The following SERPINA1 variants were observed in gnomAD, a reference collection of about 807,000 sequenced individuals.
SERPINA1 encodes serpin family A member 1, also known as alpha-1-antitrypsin.
SERPINA1 carries 21 observed loss-of-function variants against 25.4 expected under a neutral mutation model. That is an observed-to-expected ratio of 0.83 (90% CI 0.59 to 1.19). The LOEUF is 1.19. Ranked by LOEUF, SERPINA1 falls within the 50% of genes most tolerant of loss-of-function variation. The pLI is 0.00. For missense variants in SERPINA1, 546 were observed against 509.0 expected (o/e 1.07, Z -0.70); for synonymous variants, 218 against 211.1 (o/e 1.03, Z -0.29).
At chr14:94,386,755 A>T (rs1394416121) in intron 1 of SERPINA1, among the ~76,000 whole-genome samples, 2 of 152,092 alleles carry the variant, frequency 1.3e-5, no homozygotes, top group African/African-American at 4.8e-5. Context: ...GAGTTTGGCA[A>T]ATTTTCCATT....
chr14:94,380,131 T>G (rs1195963270), intron 3 of SERPINA1, among the ~76,000 whole-genome samples: 2 of 152,292 alleles, frequency 1.3e-5, no homozygotes, highest in African/African-American at 2.4e-5. Context: ...CTCTTTGTTC[T>G]TTCTCAACCC....
In SERPINA1 at chr14:94,380,865, A is replaced by T. The variant is rs1896850616; in HGVS notation, c.917+6T>A. The T allele has an allele frequency of 6.2e-7, 1 of 1,614,042 alleles. No homozygotes were observed. Among genetic ancestry groups the T allele is most frequent in the African/African-American group, 1.3e-5 (1 of 74,910 alleles). ...CTTCTTGGTCACCCTCAGGTTGGGGAATCACCTTCTGTCTTCATTTTCCAG... is the reference window on the plus strand; with the variant it reads ...CTTCTTGGTCACCCTCAGGTTGGGGTATCACCTTCTGTCTTCATTTTCCAG... On this transcript the variant is annotated splice_donor_region_variant and intron_variant, in intron 3 of 4. Transcript: ENST00000393087.
chr14:94,382,842 G>A lies in SERPINA1; in HGVS notation c.396C>T (p.Ser132=), dbSNP rs1402627363. Residue 132 remains serine (S), a synonymous_variant, in exon 2 of 5, where the codon AGC becomes AGT. Coordinates refer to ENST00000393087, the MANE Select transcript of SERPINA1 (RefSeq NM_000295.5). ...ELLRTLNQPD[S]QLQLTTGNGL... is the part of the protein sequence containing the mutation. ...CATTGCCGGTGGTCAGCTGGAGCTG[G>A]CTGTCTGGCTGGTTGAGGGTACGGA... is the stretch of plus-strand genomic sequence containing the variant. 1.2e-6 allele frequency: 2 copies of A among 1,614,028 alleles called. No homozygotes were observed. The highest frequency in any genetic ancestry group is 1.7e-6 in the Non-Finnish European group (2 of 1,180,020).
intron 4 of SERPINA1, among the ~76,000 whole-genome samples, chr14:94,378,897 G>A (rs891125593): frequency 2.2e-5 from 3 of 137,572 alleles, no homozygotes; most frequent in Middle Eastern, 4.0e-3. Context: ...GAAGAGCATC[G>A]TCACTCCACG....
Position 94,381,107 on chromosome 14 carries a change from G to A in SERPINA1, c.681C>T (p.Thr227=), listed in dbSNP as rs766320203. ...GGTCCACGTGGAAGTCCTCTTCCTC[G>A]GTGTCCTTGACTTCAAAGGGTCTCT... is the stretch of plus-strand genomic sequence containing the variant. ...KWERPFEVKD[T]EEEDFHVDQV... The change falls in exon 3 of 5, where the codon ACC becomes ACT. Residue 227 remains threonine (T), a synonymous_variant. Transcript: ENST00000393087. The A allele has an allele frequency of 2.9e-5, 47 of 1,613,300 alleles. No individual in the cohort carries two copies. The highest frequency in any genetic ancestry group is 1.7e-4 in the Admixed American group (10 of 59,964).
chr14:94,386,086 A>T (rs1980618), intron 1 of SERPINA1, among the ~76,000 whole-genome samples: 105,392 of 152,080 alleles, frequency 0.69, 36,903 homozygotes, highest in African/African-American at 0.78. Flanking sequence ...TAACATCAGG[A>T]CTCCAAAACC....
intron 3 of SERPINA1, 89 bp from the exon 4 acceptor site, chr14:94,379,700 A>G: frequency 6.3e-7 from 1 of 1,579,570 alleles, no homozygotes; most frequent in East Asian, 2.2e-5. Flanking sequence ...TTCTTTTCTG[A>G]TTATTTCTGC....
chr14:94,387,727 C>A (rs562127191), intron 1 of SERPINA1, among the ~76,000 whole-genome samples: 2 of 152,242 alleles, frequency 1.3e-5, no homozygotes. Flanking sequence ...GGTGCCTGAG[C>A]CCGAATTATG....
rs753921311 is a variant in SERPINA1 at position 94,383,075 on chromosome 14, C to T, written c.163G>A (p.Ala55Thr). 1.2e-6 allele frequency: 2 copies of T among 1,614,032 alleles called. No individual in the cohort carries two copies. Among genetic ancestry groups the T allele is most frequent in the South Asian group, 1.1e-5 (1 of 91,092 alleles). The change falls in exon 2 of 5, where the codon GCT (alanine) becomes ACT (threonine). Residue 55 changes from alanine to threonine, a missense_variant. Coordinates refer to ENST00000393087, the MANE Select transcript of SERPINA1 (RefSeq NM_000295.5). ...CGGTATAGGCTGAAGGCGAACTCAG[C>T]CAGGTTGGGGGTGATCTTGTTGAAG... The part of the protein sequence containing the change: ...PTFNKITPNL[A>T]EFAFSLYRQL...
In SERPINA1 at chr14:94,378,456, T is replaced by G; in HGVS notation, c.1250A>C (p.Gln417Pro). Residue 417 changes from glutamine to proline, a missense_variant, in exon 5 of 5, where the codon CAA (glutamine) becomes CCA (proline). Physicochemically the swap from Gln to Pro is moderately conservative, Grantham distance 76 (BLOSUM62 -1). Coordinates refer to ENST00000393087, the MANE Select transcript of SERPINA1 (RefSeq NM_000295.5). ...LFMGKVVNPT[Q>P]K ...TTGAGGAGCGAGAGGCAGTTATTTTTGGGTGGGATTCACCACTTTTCCCAT... is the reference window on the plus strand; with the variant it reads ...TTGAGGAGCGAGAGGCAGTTATTTTGGGGTGGGATTCACCACTTTTCCCAT... 1 of 1,614,082 alleles carries G rather than the reference T, an allele frequency of 6.2e-7. No homozygotes were observed.
In SERPINA1 at chr14:94,378,559, A is replaced by C. The variant is rs762151808; in HGVS notation, c.1147T>G (p.Ser383Ala). ...GAMFLEAIPM[S>A]IPPEVKFNKP... Reference sequence around the variant, plus strand: ...TTGAACTTGACCTCGGGGGGGATAGACATGGGTATGGCCTCTAAAAACATG... The same window carrying C: ...TTGAACTTGACCTCGGGGGGGATAGCCATGGGTATGGCCTCTAAAAACATG... The change falls in exon 5 of 5, where the codon TCT becomes GCT. Residue 383 changes from serine to alanine, a missense_variant. Physicochemically the swap from Ser to Ala is moderately conservative, Grantham distance 99 (BLOSUM62 1). Transcript: ENST00000393087. 1 of 1,614,068 alleles carries C rather than the reference A, an allele frequency of 6.2e-7. No individual in the cohort carries two copies.
intron 3 of SERPINA1, among the ~76,000 whole-genome samples, chr14:94,380,149 A>G (rs1896781144): frequency 6.6e-6 from 1 of 152,294 alleles, no homozygotes; most frequent in Non-Finnish European, 1.5e-5. Context: ...CCCCTGGAGC[A>G]GAGACCTCAG....
intron 3 of SERPINA1, chr14:94,380,523 G>A: frequency 2.8e-6 from 1 of 358,792 alleles, no homozygotes; most frequent in South Asian, 2.9e-5. Context: ...TTGCCAGGAA[G>A]CCCATCTGTT....
rs772462774 is a variant in SERPINA1 at position 94,383,214 on chromosome 14, G to A, written c.24C>T (p.Gly8=). The A allele has an allele frequency of 1.2e-6, 2 of 1,613,622 alleles. No individual in the cohort carries two copies. Among genetic ancestry groups the A allele is most frequent in the Admixed American group, 1.7e-5 (1 of 60,012 alleles). ...AGCACAGGCCTGCCAGCAGGAGGAT[G>A]CCCCACGAGACAGAAGACGGCATTG... MPSSVSW[G]ILLLAGLCCL... Residue 8 remains glycine (G), a synonymous_variant, in exon 2 of 5, where the codon GGC becomes GGT. Transcript: ENST00000393087.
chr14:94,388,470 C>G (rs1213535254), intron 1 of SERPINA1, 90 bp downstream of exon 1: 1 of 152,864 alleles, frequency 6.5e-6, no homozygotes, highest in Non-Finnish European at 1.5e-5. Flanking sequence ...CACTCCACAA[C>G]CCCCCTCCTG....
chr14:94,379,692 CT>C, intron 3 of SERPINA1, 81 bp from the exon 4 acceptor site: 3 of 1,597,146 alleles, frequency 1.9e-6, no homozygotes, highest in Admixed American at 3.3e-5. Context: ...CAAGTGTTTT[CT>C]TTTCTGATTA....
chr14:94,387,180 A>G (rs572583192), intron 1 of SERPINA1, among the ~76,000 whole-genome samples: 2 of 152,370 alleles, frequency 1.3e-5, no homozygotes, highest in Non-Finnish European at 2.9e-5. Context: ...GGCTAAAATT[A>G]AAGGCTCTGA....
rs762571838 is a variant in SERPINA1 at position 94,383,130 on chromosome 14, A to G, written c.108T>C (p.Asp36=). The G allele has an allele frequency of 1.2e-6, 2 of 1,614,166 alleles. No homozygotes were observed. The highest frequency in any genetic ancestry group is 1.7e-5 in the Admixed American group (1 of 60,022). The part of the protein sequence containing the change: ...DPQGDAAQKT[D]TSHHDQDHPT... ...GGTGATCCTGATCATGGTGGGATGT[A>G]TCTGTCTTCTGGGCAGCATCTCCCT... The change falls in exon 2 of 5, where the codon GAT becomes GAC. Residue 36 remains aspartate (D), a synonymous_variant. Transcript: ENST00000393087.
chr14:94,381,307 C>T (rs754886718), intron 2 of SERPINA1, among the ~76,000 whole-genome samples, 166 bp from the exon 3 acceptor site: 1 of 152,052 alleles, frequency 6.6e-6, no homozygotes, highest in Non-Finnish European at 1.5e-5. Context: ...CTGAAACTGA[C>T]CATCCAAGCT....
Sources: gnomAD v4.1 joint callset for allele counts (sites outside exome capture counted in the v4.1 genomes callset) on GRCh38, gnomAD v4.1.1 for gene constraint, MANE v1.5 for transcripts, NCBI Gene and HGNC (gene_info 2026-07-23, HGNC 2026-07-21) for gene names.